Variants in RIMS1 observed in about 807,000 individuals in gnomAD.
The protein encoded by RIMS1 is regulating synaptic membrane exocytosis 1.
RIMS1 carries 83 observed loss-of-function variants against 214.1 expected under a neutral mutation model. The ratio of observed to expected loss-of-function variants is 0.39; its 90% CI spans 0.32 to 0.47. The LOEUF (loss-of-function observed/expected upper bound fraction) is 0.47. RIMS1 is among the 20% of genes least tolerant of loss of function. The probability of loss-of-function intolerance (pLI) is 0.99; values close to 1 mark genes in which losing one functional copy is unlikely to be tolerated. For missense variants in RIMS1, 2,050 were observed against 2,161.8 expected, an observed-to-expected ratio of 0.95 and a Z score of 1.03; for synonymous variants, 793 against 786.8, an observed-to-expected ratio of 1.01 and a Z score of -0.13.
chr6:72,019,060 G>A (rs1475948312), intron 2 of RIMS1, among the ~76,000 whole-genome samples: 1 of 152,072 alleles, frequency 6.6e-6, no homozygotes, highest in Non-Finnish European at 1.5e-5. Flanking sequence ...TCATGGAGTT[G>A]TTTTAAGAGA....
At chr6:72,317,094 C>T (rs936588846) in intron 28 of RIMS1, 50 of 421,868 alleles carry the variant, frequency 1.2e-4, no homozygotes, top group Non-Finnish European at 2.1e-4. Context: ...GCACCACCTC[C>T]TCCCCACTGC....
intron 9 of RIMS1, among the ~76,000 whole-genome samples, chr6:72,238,331 C>G (rs2065155959): frequency 6.6e-6 from 1 of 151,822 alleles, no homozygotes; most frequent in African/African-American, 2.4e-5. Context: ...CAGTAATTAC[C>G]AAATTTTTTT....
rs139236485 is a variant in RIMS1, at chr6:72,040,493, A to C, written c.246-56456A>C. Among the ~76,000 whole-genome samples, 170 of 152,146 alleles carry C rather than the reference A, an allele frequency of 1.1e-3. 1 individual carries two copies. Among genetic ancestry groups the C allele is most frequent in the African/African-American group, 4.0e-3 (168 of 41,570 alleles). On this transcript the variant is annotated intron_variant, in intron 2 of 33. Transcript: ENST00000521978. ...TGCCCTGAGAGTTAAGCCTGAAGTCAAGTTAGACAATTTCTTGAACTGAAA... is the reference window on the plus strand; with the variant it reads ...TGCCCTGAGAGTTAAGCCTGAAGTCCAGTTAGACAATTTCTTGAACTGAAA...
chr6:71,938,355 T>A (rs1198874055), intron 1 of RIMS1, among the ~76,000 whole-genome samples: 1 of 152,200 alleles, frequency 6.6e-6, no homozygotes, highest in Non-Finnish European at 1.5e-5. Flanking sequence ...CTGTGGCAGC[T>A]CTGACTTCAC....
At chr6:72,173,394 T>C (rs1371533000) in intron 4 of RIMS1, among the ~76,000 whole-genome samples, 1 of 152,130 alleles carries the variant, frequency 6.6e-6, no homozygotes, top group Non-Finnish European at 1.5e-5. Flanking sequence ...TTTTTGCAAC[T>C]TTATTCCCCT....
chr6:72,274,838 G>A (rs2085335248), intron 23 of RIMS1, among the ~76,000 whole-genome samples: 1 of 151,946 alleles, frequency 6.6e-6, no homozygotes, highest in Non-Finnish European at 1.5e-5. Context: ...TTGTTTTGCT[G>A]CTGTGTACAC....
rs753446100 is a variant in RIMS1, at chr6:72,235,624, G to T, written c.1753G>T (p.Val585Leu). 1.2e-6 allele frequency: 2 copies of T among 1,606,236 alleles called. No individual in the cohort carries two copies. Among genetic ancestry groups the T allele is most frequent in the Non-Finnish European group, 1.7e-6 (2 of 1,174,870 alleles). Reference protein sequence around the residue: ...RETSPISSHPVTWQPSKEGDR... With the variant: ...RETSPISSHPLTWQPSKEGDR... ...CTCATTCATGTTTTAACAGCATCCT[G>T]TAACGTGGCAACCATCTAAAGAGGG... is the stretch of plus-strand genomic sequence containing the variant. Residue 585 changes from valine to leucine, a missense_variant, in exon 8 of 34, where the codon GTA becomes TTA. Coordinates refer to ENST00000521978, the MANE Select transcript of RIMS1 (RefSeq NM_014989.7).
intron 2 of RIMS1, among the ~76,000 whole-genome samples, chr6:72,020,812 T>C (rs1477687179): frequency 1.3e-5 from 2 of 152,168 alleles, no homozygotes; most frequent in African/African-American, 2.4e-5. Flanking sequence ...AGAGTGCAAG[T>C]AAGATGCCCA....
intron 16 of RIMS1, among the ~76,000 whole-genome samples, chr6:72,253,390 G>T (rs2074324861): frequency 6.6e-6 from 1 of 152,134 alleles, no homozygotes; most frequent in African/African-American, 2.4e-5. Context: ...AATTTGAAGT[G>T]AACATCTCTT....
At chr6:72,144,583 G>A (rs955804869) in intron 4 of RIMS1, among the ~76,000 whole-genome samples, 3 of 151,906 alleles carry the variant, frequency 2.0e-5, no homozygotes, top group Non-Finnish European at 4.4e-5. Context: ...TGGGTGCATG[G>A]GGCTTCGCTT....
intron 2 of RIMS1, among the ~76,000 whole-genome samples, chr6:72,052,116 T>C (rs891003783): frequency 6.6e-5 from 10 of 152,220 alleles, no homozygotes; most frequent in African/African-American, 2.4e-4. Flanking sequence ...TAAAACTGTA[T>C]TGAGTCCTCT....
chr6:72,288,860 T>C (rs993532752), intron 24 of RIMS1, among the ~76,000 whole-genome samples: 1 of 150,424 alleles, frequency 6.6e-6, no homozygotes, highest in Non-Finnish European at 1.5e-5. Context: ...ACTCTTTTAT[T>C]ATTGAGGGAC....
intron 23 of RIMS1, 26 bp downstream of exon 23, chr6:72,274,458 C>G: frequency 6.4e-7 from 1 of 1,571,474 alleles, no homozygotes; most frequent in Non-Finnish European, 8.8e-7. Context: ...TCCTCACAGA[C>G]AAGTGGCTTC....
intron 2 of RIMS1, among the ~76,000 whole-genome samples, chr6:72,049,834 G>GTT (rs71699207): frequency 2.0e-5 from 3 of 151,880 alleles, no homozygotes; most frequent in African/African-American, 4.8e-5. Context: ...AATATTTTCA[G>GTT]TTTTTTTCAG....
At position 72,400,619 on chromosome 6, in the gene RIMS1, T is replaced by G. The variant is rs774435087; in HGVS notation, c.4984T>G (p.Ser1662Ala). 1 of 1,613,736 alleles carries G rather than the reference T, an allele frequency of 6.2e-7. No individual in the cohort carries two copies. Among genetic ancestry groups the G allele is most frequent in the South Asian group, 1.1e-5 (1 of 91,058 alleles). The change falls in exon 34 of 34, where the codon TCC becomes GCC. Residue 1662 changes from serine to alanine, a missense_variant. Around this residue, in one of 6 missense-constraint regions of RIMS1, gnomAD observed 33 missense variants for 40.9 expected, o/e 0.81. Transcript: ENST00000521978. ...VIGWYKLFPP[S>A]SLVDPTLTPL... The stretch of plus-strand genomic sequence containing the variant: ...CGGATGGTACAAATTGTTCCCACCG[T>G]CCTCACTGGTGGATCCCACACTCAC...
intron 29 of RIMS1, among the ~76,000 whole-genome samples, chr6:72,381,045 T>C (rs889968652): frequency 1.3e-5 from 2 of 152,354 alleles, no homozygotes; most frequent in African/African-American, 4.8e-5. Context: ...TGCCATAGAC[T>C]GGATGGCTTA....
intron 4 of RIMS1, among the ~76,000 whole-genome samples, chr6:72,133,613 AGT>A (rs1445759729): frequency 2.6e-5 from 4 of 152,128 alleles, no homozygotes; most frequent in Non-Finnish European, 5.9e-5. Context: ...TGTAATTTAG[AGT>A]CAAATATACT....
intron 2 of RIMS1, among the ~76,000 whole-genome samples, chr6:72,019,980 GATGT>G (rs1250340350): frequency 6.6e-6 from 1 of 152,152 alleles, no homozygotes; most frequent in Non-Finnish European, 1.5e-5. Flanking sequence ...TCTGAGAACT[GATGT>G]AACACCATCC....
intron 2 of RIMS1, among the ~76,000 whole-genome samples, chr6:72,076,016 A>T (rs901542804): frequency 1.3e-5 from 2 of 152,212 alleles, no homozygotes; most frequent in Non-Finnish European, 2.9e-5. Flanking sequence ...AATTATATGT[A>T]AACTACATTT....
Sources: allele counts gnomAD v4.1 joint callset (sites outside exome capture counted in the v4.1 genomes callset), GRCh38; gene constraint gnomAD v4.1.1; regional missense constraint gnomAD v4.1.1; transcripts MANE v1.5; gene names NCBI Gene and HGNC (gene_info 2026-07-23, HGNC 2026-07-21).